FNDC3B: variants seen among roughly 807,000 people sequenced by gnomAD.
FNDC3B encodes the protein fibronectin type III domain containing 3B.
A neutral mutation model predicts 151.5 loss-of-function variants in FNDC3B; 12 were observed. The observed-to-expected ratio is 0.08, with a 90% CI of 0.05 to 0.13. The LOEUF (loss-of-function observed/expected upper bound fraction) is 0.13. FNDC3B is among the 10% of genes least tolerant of loss of function. FNDC3B has a pLI of 1.00. For missense variants in FNDC3B, 1,214 were observed against 1,505.3 expected (o/e 0.81, Z 3.20); for synonymous variants, 528 against 549.0 (o/e 0.96, Z 0.54).
intron 15 of FNDC3B, chr3:172,335,756 T>C (rs952524375): frequency 1.3e-5 from 2 of 152,238 alleles, no homozygotes; most frequent in East Asian, 1.9e-4. Flanking sequence ...TATGTAAAAG[T>C]GTTATGCGTA....
At chr3:172,110,919 C>T (rs544782405) in intron 1 of FNDC3B, among the ~76,000 whole-genome samples, 3 of 151,796 alleles carry the variant, frequency 2.0e-5, no homozygotes, top group Non-Finnish European at 4.4e-5. Context: ...GCCAACATGG[C>T]GAAACCCTGT....
intron 1 of FNDC3B, among the ~76,000 whole-genome samples, chr3:172,050,564 A>G (rs1435655441): frequency 6.6e-6 from 1 of 151,358 alleles, no homozygotes; most frequent in Non-Finnish European, 1.5e-5. Context: ...TTGTGTTTTT[A>G]GTAGAGATAG....
intron 3 of FNDC3B, among the ~76,000 whole-genome samples, chr3:172,196,292 G>T (rs987433668): frequency 2.0e-5 from 3 of 151,932 alleles, no homozygotes; most frequent in Non-Finnish European, 4.4e-5. Flanking sequence ...GGTTCAAGGG[G>T]TCCTTCCCAC....
chr3:172,366,642 G>A (rs777943044), intron 23 of FNDC3B, among the ~76,000 whole-genome samples: 1 of 152,202 alleles, frequency 6.6e-6, no homozygotes, highest in Admixed American at 6.5e-5. Context: ...GTAGAACACA[G>A]ATGCTTTAAA....
At chr3:172,240,780 C>G (rs1576829821) in intron 4 of FNDC3B, among the ~76,000 whole-genome samples, 1 of 152,194 alleles carries the variant, frequency 6.6e-6, no homozygotes, top group Non-Finnish European at 1.5e-5. Context: ...ATGTCCTTTT[C>G]CATCTCCCAT....
At chr3:172,344,605 A>T (rs1396566693) in intron 19 of FNDC3B, among the ~76,000 whole-genome samples, 1 of 152,228 alleles carries the variant, frequency 6.6e-6, no homozygotes, top group African/African-American at 2.4e-5. Context: ...TAATAGTTCT[A>T]ATAAAAGTTT....
At chr3:172,381,449 T>A (rs1037595095) in intron 25 of FNDC3B, among the ~76,000 whole-genome samples, 12 of 152,092 alleles carry the variant, frequency 7.9e-5, no homozygotes, top group Non-Finnish European at 1.6e-4. Context: ...AGTCTCTTTT[T>A]TTGTTGTTGT....
At chr3:172,146,579 C>T (rs759198613) in intron 3 of FNDC3B, among the ~76,000 whole-genome samples, 18 of 152,142 alleles carry the variant, frequency 1.2e-4, no homozygotes, top group Non-Finnish European at 1.9e-4. Context: ...CTCTGGTTAA[C>T]GTAACCCTCA....
chr3:172,055,107 T>C (rs1716849640), intron 1 of FNDC3B, among the ~76,000 whole-genome samples: 1 of 152,166 alleles, frequency 6.6e-6, no homozygotes, highest in Non-Finnish European at 1.5e-5. Context: ...TTTAAATAAA[T>C]TACTATAAAG....
intron 1 of FNDC3B, among the ~76,000 whole-genome samples, chr3:172,096,873 A>G (rs887494780): frequency 2.0e-5 from 3 of 151,026 alleles, no homozygotes; most frequent in Non-Finnish European, 1.5e-5. Context: ...TTTAAAAGGT[A>G]TGGGATGAGG....
intron 2 of FNDC3B, among the ~76,000 whole-genome samples, chr3:172,121,988 GC>G (rs545936878): frequency 6.6e-4 from 100 of 152,302 alleles, no homozygotes; most frequent in African/African-American, 2.2e-3. Context: ...TGATGTGATA[GC>G]TACTGATGTA....
At chr3:172,369,887 A>G (rs73880150) in intron 23 of FNDC3B, among the ~76,000 whole-genome samples, 3,663 of 152,192 alleles carry the variant, frequency 0.024, 153 homozygotes, top group African/African-American at 0.085. Flanking sequence ...CCTGAGTAAC[A>G]TACGAAATTC....
intron 6 of FNDC3B, among the ~76,000 whole-genome samples, chr3:172,280,200 C>T (rs1729638485): frequency 1.3e-5 from 2 of 152,242 alleles, no homozygotes; most frequent in Non-Finnish European, 2.9e-5. Context: ...CCGGCATGAG[C>T]TACCACATCC....
At chr3:172,361,140 T>C (rs1734336884) in intron 22 of FNDC3B, among the ~76,000 whole-genome samples, 1 of 152,176 alleles carries the variant, frequency 6.6e-6, no homozygotes, top group African/African-American at 2.4e-5. Flanking sequence ...TGAAATGCCC[T>C]TTAAGGGCTT....
chr3:172,225,131 T>C (rs538836831), intron 3 of FNDC3B, among the ~76,000 whole-genome samples: 4 of 152,372 alleles, frequency 2.6e-5, no homozygotes, highest in African/African-American at 7.2e-5. Context: ...TTTGTTGTTG[T>C]TCACGTCTTT....
At chr3:172,177,992 T>G (rs1723697630) in intron 3 of FNDC3B, among the ~76,000 whole-genome samples, 1 of 152,186 alleles carries the variant, frequency 6.6e-6, no homozygotes, top group Non-Finnish European at 1.5e-5. Flanking sequence ...AGGATGATGC[T>G]TCCAGCTTCA....
intron 8 of FNDC3B, among the ~76,000 whole-genome samples, chr3:172,296,861 C>G (rs534923421): frequency 5.3e-5 from 8 of 152,278 alleles, no homozygotes; most frequent in Non-Finnish European, 1.2e-4. Context: ...GCAGGGCCAA[C>G]TGGGGACTTG....
intron 3 of FNDC3B, chr3:172,134,288 GGTAC>G (rs1336299375): frequency 4.1e-6 from 2 of 492,280 alleles, no homozygotes; most frequent in African/African-American, 3.9e-5. Context: ...AAATGATGTA[GGTAC>G]TTTGATCCAT....
intron 2 of FNDC3B, among the ~76,000 whole-genome samples, chr3:172,118,839 C>T (rs1415348240): frequency 3.3e-5 from 5 of 152,108 alleles, no homozygotes; most frequent in South Asian, 2.1e-4. Flanking sequence ...GTCAAGATAC[C>T]GTCAGCCTCT....
Sources: gnomAD v4.1 joint callset for allele counts (sites outside exome capture counted in the v4.1 genomes callset) on GRCh38, gnomAD v4.1.1 for gene constraint, MANE v1.5 for transcripts, NCBI Gene and HGNC (gene_info 2026-07-23, HGNC 2026-07-21) for gene names.